Variants in ZBTB20 observed in about 807,000 individuals in gnomAD.
The protein encoded by ZBTB20 is zinc finger and BTB domain-containing protein 20.
Under a neutral mutation model 56.9 loss-of-function variants are expected in ZBTB20, and 9 were observed. The ratio of observed to expected loss-of-function variants is 0.16; its 90% CI spans 0.10 to 0.28. The LOEUF (loss-of-function observed/expected upper bound fraction) is 0.28. Among genes scored for constraint, ZBTB20 ranks in the 10% least tolerant of loss-of-function variants. ZBTB20 has a pLI of 1.00. For missense variants in ZBTB20, 655 were observed against 1,003.0 expected (o/e 0.65, Z 4.69); for synonymous variants, 417 against 420.7 (o/e 0.99, Z 0.11).
intron 3 of ZBTB20, among the ~76,000 whole-genome samples, chr3:114,939,016 TCAGTCACTCGGTGGAAG>T (rs2076643626): frequency 6.9e-6 from 1 of 145,198 alleles, no homozygotes; most frequent in East Asian, 1.9e-4. Flanking sequence ...CCTGACATGT[TCAGTCACTCGGTGGAAG>T]CAGCCCCAAA....
chr3:114,650,585 T>C (rs1351758300), intron 6 of ZBTB20, among the ~76,000 whole-genome samples: 1 of 151,954 alleles, frequency 6.6e-6, no homozygotes, highest in Non-Finnish European at 1.5e-5. Flanking sequence ...TTCCTACTAT[T>C]ATTATTAGAC....
chr3:114,435,247 C>G lies in ZBTB20; in HGVS notation c.-254-46142G>C, dbSNP rs145169004. 4.2e-3 allele frequency among the ~76,000 whole-genome samples: 645 copies of G among 151,892 alleles called. 21 individuals carry two copies. Among genetic ancestry groups the G allele is most frequent in the East Asian group, 0.026 (136 of 5,156 alleles). On this transcript the variant is annotated intron_variant, in intron 7 of 11. Coordinates refer to ENST00000675478, the MANE Select transcript of ZBTB20 (RefSeq NM_001348800.3). Reference sequence around the variant, plus strand: ...ATAATTAACTCTTTAAAAAAAAAAACTTGCACACCATAGCAGCAAAAGGGA... The same window carrying G: ...ATAATTAACTCTTTAAAAAAAAAAAGTTGCACACCATAGCAGCAAAAGGGA...
At chr3:114,590,285 G>A (rs1468692413) in intron 6 of ZBTB20, among the ~76,000 whole-genome samples, 8 of 151,890 alleles carry the variant, frequency 5.3e-5, no homozygotes, top group East Asian at 1.9e-4. Context: ...GTGAAACCCC[G>A]TCTCTACTAA....
chr3:114,640,381 G>A (rs1025297609), intron 6 of ZBTB20, among the ~76,000 whole-genome samples: 2 of 152,088 alleles, frequency 1.3e-5, no homozygotes, highest in African/African-American at 2.4e-5. Context: ...TGGAGTGTGA[G>A]ACTGAATCAT....
chr3:114,802,541 T>C (rs531073320), intron 4 of ZBTB20, among the ~76,000 whole-genome samples: 5 of 151,904 alleles, frequency 3.3e-5, no homozygotes, highest in Non-Finnish European at 7.4e-5. Context: ...ATGCCTGAAT[T>C]AGGCTAAAAA....
chr3:114,869,212 T>A (rs1485783181), intron 4 of ZBTB20, among the ~76,000 whole-genome samples: 1 of 152,134 alleles, frequency 6.6e-6, no homozygotes, highest in Non-Finnish European at 1.5e-5. Context: ...AAAAAAATGA[T>A]CCTCAAAACT....
chr3:114,697,599 G>A (rs1280140495), intron 5 of ZBTB20, among the ~76,000 whole-genome samples: 8 of 151,952 alleles, frequency 5.3e-5, no homozygotes, highest in Non-Finnish European at 8.8e-5. Context: ...TGAATGTAAA[G>A]GCTGTGTGTG....
At chr3:114,904,252 C>T (rs913383756) in intron 3 of ZBTB20, 1 of 152,000 alleles carries the variant, frequency 6.6e-6, no homozygotes, top group Admixed American at 6.6e-5. Context: ...ACTAGTTGGG[C>T]CTGGCTAGAG....
At chr3:114,421,133 T>G (rs1389155246) in intron 7 of ZBTB20, among the ~76,000 whole-genome samples, 1 of 152,128 alleles carries the variant, frequency 6.6e-6, no homozygotes, top group African/African-American at 2.4e-5. Flanking sequence ...TTTTGTTTCT[T>G]AGACCTTTAT....
intron 7 of ZBTB20, among the ~76,000 whole-genome samples, chr3:114,434,138 C>T (rs2090332337): frequency 6.6e-6 from 1 of 152,098 alleles, no homozygotes; most frequent in Non-Finnish European, 1.5e-5. Flanking sequence ...ACATCATTTT[C>T]TTCCCACACT....
intron 2 of ZBTB20, among the ~76,000 whole-genome samples, chr3:115,061,826 A>G (rs952551256): frequency 6.6e-6 from 1 of 152,198 alleles, no homozygotes; most frequent in Non-Finnish European, 1.5e-5. Flanking sequence ...GTAAAAGTCA[A>G]TTATTTATTT....
intron 6 of ZBTB20, among the ~76,000 whole-genome samples, chr3:114,676,016 A>T (rs1578281580): frequency 6.6e-6 from 1 of 152,100 alleles, no homozygotes; most frequent in Non-Finnish European, 1.5e-5. Context: ...GAGGAAATAG[A>T]GGCACAGAGA....
chr3:114,355,875 C>T (rs1200045242), intron 10 of ZBTB20, among the ~76,000 whole-genome samples: 4 of 151,634 alleles, frequency 2.6e-5, no homozygotes, highest in Admixed American at 6.6e-5. Context: ...CCAACCCTAT[C>T]AACTGTACAA....
At chr3:114,753,173 T>C (rs2067694355) in intron 5 of ZBTB20, among the ~76,000 whole-genome samples, 1 of 150,800 alleles carries the variant, frequency 6.6e-6, no homozygotes. Flanking sequence ...TAATTAGAAG[T>C]AATGGGGAAC....
intron 1 of ZBTB20, among the ~76,000 whole-genome samples, chr3:115,117,286 T>C (rs2084046705): frequency 6.6e-6 from 1 of 152,272 alleles, no homozygotes; most frequent in East Asian, 1.9e-4. Flanking sequence ...ACAACAAAAC[T>C]AGAGTATGAA....
chr3:114,864,036 A>G (rs1016072480), intron 4 of ZBTB20, among the ~76,000 whole-genome samples: 13 of 152,116 alleles, frequency 8.5e-5, no homozygotes, highest in African/African-American at 3.1e-4. Flanking sequence ...AAAAAATGTG[A>G]TATTGATGTA....
intron 6 of ZBTB20, among the ~76,000 whole-genome samples, chr3:114,611,556 A>G (rs1340948891): frequency 1.3e-5 from 2 of 152,328 alleles, no homozygotes; most frequent in Middle Eastern, 3.4e-3. Context: ...CTTTGCTAAC[A>G]TGAAATCAAA....
chr3:114,980,645 C>G (rs1026652815), intron 2 of ZBTB20, among the ~76,000 whole-genome samples: 3 of 151,660 alleles, frequency 2.0e-5, no homozygotes, highest in African/African-American at 4.8e-5. Flanking sequence ...TTGAAGTAAG[C>G]ATTTATAGAA....
intron 7 of ZBTB20, among the ~76,000 whole-genome samples, chr3:114,432,169 G>A (rs199524469): frequency 1.5e-3 from 216 of 144,880 alleles, no homozygotes; most frequent in Non-Finnish European, 1.5e-3. Context: ...GATTCCATTA[G>A]AAAAAAAAAA....
Sources: allele counts gnomAD v4.1 joint callset (sites outside exome capture counted in the v4.1 genomes callset), GRCh38; gene constraint gnomAD v4.1.1; transcripts MANE v1.5; gene names NCBI Gene and HGNC (gene_info 2026-07-23, HGNC 2026-07-21).